PPP4R4: variants seen among roughly 807,000 people sequenced by gnomAD.
PPP4R4 encodes serine/threonine-protein phosphatase 4 regulatory subunit 4.
A neutral mutation model predicts 121.8 loss-of-function variants in PPP4R4; 70 were observed. The observed-to-expected ratio is 0.57, with a 90% CI of 0.47 to 0.70. The LOEUF is 0.70. PPP4R4 is among the 30% of genes least tolerant of loss of function. PPP4R4 has a pLI of 0.00. For synonymous variants in PPP4R4, 348 were observed against 355.7 expected (o/e 0.98, Z 0.24); for missense variants, 875 against 1,033.6 (o/e 0.85, Z 2.10).
chr14:94,224,212 G>GA (rs1891570773), intron 3 of PPP4R4, among the ~76,000 whole-genome samples: 1 of 152,156 alleles, frequency 6.6e-6, no homozygotes, highest in Non-Finnish European at 1.5e-5. Context: ...AGGAGTTGCC[G>GA]AGACAGTGAA....
chr14:94,193,983 A>G (rs1236225480), intron 2 of PPP4R4, among the ~76,000 whole-genome samples: 1 of 152,206 alleles, frequency 6.6e-6, no homozygotes, highest in Non-Finnish European at 1.5e-5. Context: ...CCTGAATGAA[A>G]AAGTTTACCA....
At chr14:94,210,165 G>A (rs1413576241) in intron 3 of PPP4R4, among the ~76,000 whole-genome samples, 2 of 150,396 alleles carry the variant, frequency 1.3e-5, no homozygotes, top group African/African-American at 4.9e-5. Context: ...ATACCTTACA[G>A]TTTCAAAAGA....
In PPP4R4 at chr14:94,266,977, A is replaced by T; in HGVS notation, c.2397A>T (p.Gly799=). The T allele has an allele frequency of 6.3e-7, 1 of 1,590,478 alleles. No individual in the cohort carries two copies. Among genetic ancestry groups the T allele is most frequent in the Non-Finnish European group, 8.6e-7 (1 of 1,160,344 alleles). Reference sequence around the variant, plus strand: ...TTTCTAGTAAAAGTTCTACAACAGGATATACAACTTCTGTCTCAGGGTTAG... The same window carrying T: ...TTTCTAGTAAAAGTTCTACAACAGGTTATACAACTTCTGTCTCAGGGTTAG... ...EKCASKSSTT[G]YTTSVSGLGK... is the part of the protein sequence containing the mutation. The change falls in exon 23 of 25, where the codon GGA becomes GGT. Residue 799 remains glycine, a synonymous_variant. Transcript: ENST00000304338.
intron 2 of PPP4R4, among the ~76,000 whole-genome samples, chr14:94,204,962 C>T (rs1170727921): frequency 1.3e-5 from 2 of 152,060 alleles, no homozygotes; most frequent in Non-Finnish European, 2.9e-5. Flanking sequence ...GCGTTGCATC[C>T]CTGCAATAAA....
chr14:94,213,677 T>C (rs929178397), intron 3 of PPP4R4, among the ~76,000 whole-genome samples: 6 of 151,984 alleles, frequency 3.9e-5, no homozygotes, highest in Non-Finnish European at 8.8e-5. Context: ...AGGTAGAGAT[T>C]GGAGTGATGT....
Position 94,256,609 on chromosome 14 carries a change from G to A in PPP4R4, c.2010+5G>A. 1.9e-6 allele frequency: 3 copies of A among 1,592,650 alleles called. No homozygotes were observed. Among genetic ancestry groups the A allele is most frequent in the Non-Finnish European group, 2.6e-6 (3 of 1,167,828 alleles). On this transcript the variant is annotated splice_donor_5th_base_variant and intron_variant, in intron 17 of 24. Coordinates refer to ENST00000304338, the MANE Select transcript of PPP4R4 (RefSeq NM_058237.2). ...GTTCTGGCTATTGTAAAAAGAGTAA[G>A]TATCACTCTTGCCACAATGTTGCAT...
chr14:94,205,441 T>A (rs571932672), intron 2 of PPP4R4, among the ~76,000 whole-genome samples: 3 of 152,082 alleles, frequency 2.0e-5, no homozygotes, highest in Non-Finnish European at 2.9e-5. Context: ...TCTTTTGTCA[T>A]TCTTGCTGAG....
chr14:94,250,909 C>G (rs1194144459), intron 15 of PPP4R4, among the ~76,000 whole-genome samples: 1 of 151,888 alleles, frequency 6.6e-6, no homozygotes, highest in Non-Finnish European at 1.5e-5. Context: ...ACTATATTAT[C>G]CAGCATAGGC....
intron 3 of PPP4R4, among the ~76,000 whole-genome samples, chr14:94,216,392 A>C (rs1054697839): frequency 6.6e-6 from 1 of 152,246 alleles, no homozygotes; most frequent in African/African-American, 2.4e-5. Context: ...TGCCCACCAC[A>C]TAAAGTAGTT....
Position 94,187,315 on chromosome 14 carries a change from A to AG in PPP4R4, c.191+11189dup, listed in dbSNP as rs1889342812. 3.3e-5 allele frequency among the ~76,000 whole-genome samples: 5 copies of AG among 152,194 alleles called. No homozygotes were observed. In the South Asian group the frequency reaches 1.0e-3, roughly 32 times the overall value. On this transcript the variant is annotated intron_variant, in intron 2 of 24. Coordinates refer to ENST00000304338, the MANE Select transcript of PPP4R4 (RefSeq NM_058237.2). ...AGCAAGACTCTGTCTCGGAAAAAAA[A>AG]GAAAAAAAATATGTTGTTCTGAAAT...
rs377358318 is a variant in PPP4R4, at chr14:94,174,519, C to T, written c.54C>T (p.Phe18=). Reference sequence around the variant, plus strand: ...TGGATTTCAGTCAGAACAGCCTGTTCGGTTACATGGAGGACCTGCAGGAGC... The same window carrying T: ...TGGATTTCAGTCAGAACAGCCTGTTTGGTTACATGGAGGACCTGCAGGAGC... ...AAMDFSQNSL[F]GYMEDLQELT... The change falls in exon 1 of 25, where the codon TTC becomes TTT. Residue 18 remains phenylalanine (F), a synonymous_variant. Transcript: ENST00000304338. 11 of 1,612,432 alleles carry T rather than the reference C, an allele frequency of 6.8e-6. No individual in the cohort carries two copies. The highest frequency in any genetic ancestry group is 1.1e-5 in the South Asian group (1 of 91,076).
At chr14:94,212,687 A>G (rs773832868) in intron 3 of PPP4R4, among the ~76,000 whole-genome samples, 2 of 152,104 alleles carry the variant, frequency 1.3e-5, no homozygotes, top group African/African-American at 4.8e-5. Flanking sequence ...CTTTTTCCAC[A>G]GTATATTAAA....
intron 11 of PPP4R4, among the ~76,000 whole-genome samples, chr14:94,244,009 A>C (rs1892762130): frequency 6.6e-6 from 1 of 151,884 alleles, no homozygotes; most frequent in African/African-American, 2.4e-5. Flanking sequence ...ATTCAAGCCC[A>C]GTGTGTTTTA....
Position 94,265,837 on chromosome 14 carries a change from T to C in PPP4R4, c.2328T>C (p.Phe776=). 1 of 1,610,222 alleles carries C rather than the reference T, an allele frequency of 6.2e-7. No individual in the cohort carries two copies. The highest frequency in any genetic ancestry group is 8.5e-7 in the Non-Finnish European group (1 of 1,177,372). ...KKSKLIRSQS[F]NNQAFHAKYG... ...CCAAACTGATTCGAAGCCAGTCTTTTAATAATCAAGCTTTTCATGCAAAAT... is the reference window on the plus strand; with the variant it reads ...CCAAACTGATTCGAAGCCAGTCTTTCAATAATCAAGCTTTTCATGCAAAAT... Residue 776 remains phenylalanine (F), a synonymous_variant, in exon 22 of 25, where the codon TTT becomes TTC. Coordinates refer to ENST00000304338, the MANE Select transcript of PPP4R4 (RefSeq NM_058237.2).
chr14:94,200,158 A>C (rs976112997), intron 2 of PPP4R4, among the ~76,000 whole-genome samples: 12 of 152,132 alleles, frequency 7.9e-5, no homozygotes, highest in Non-Finnish European at 5.9e-5. Flanking sequence ...TATTATATGG[A>C]GAATATAATA....
Position 94,265,780 on chromosome 14 carries a change from G to T in PPP4R4, c.2285-14G>T. 4 of 1,568,236 alleles carry T rather than the reference G, an allele frequency of 2.6e-6. No individual in the cohort carries two copies. Among genetic ancestry groups the T allele is most frequent in the Admixed American group, 1.8e-5 (1 of 56,114 alleles). On this transcript the variant is annotated splice_polypyrimidine_tract_variant and intron_variant, in intron 21 of 24. Coordinates refer to ENST00000304338, the MANE Select transcript of PPP4R4 (RefSeq NM_058237.2). ...AACTGAATACATTTTTCTTTTTTCT[G>T]CTTATTGCTCTAGGTAAAGAAATCA...
chr14:94,181,422 A>T (rs888425281), intron 2 of PPP4R4, among the ~76,000 whole-genome samples: 3 of 152,240 alleles, frequency 2.0e-5, no homozygotes, highest in Non-Finnish European at 4.4e-5. Flanking sequence ...TAGTTAATAC[A>T]AACAATTGGC....
intron 9 of PPP4R4, among the ~76,000 whole-genome samples, chr14:94,241,438 G>A (rs372781116): frequency 6.6e-6 from 1 of 151,914 alleles, no homozygotes; most frequent in South Asian, 2.1e-4. Context: ...AGCAATTTTA[G>A]AACATTTACT....
intron 8 of PPP4R4, among the ~76,000 whole-genome samples, chr14:94,240,444 G>A (rs938649613): frequency 6.6e-6 from 1 of 152,108 alleles, no homozygotes. Flanking sequence ...ATGGCCTGCA[G>A]TATGAAGTCC....
Sources: gnomAD v4.1 joint callset for allele counts (sites outside exome capture counted in the v4.1 genomes callset) on GRCh38, gnomAD v4.1.1 for gene constraint, MANE v1.5 for transcripts, NCBI Gene and HGNC (gene_info 2026-07-23, HGNC 2026-07-21) for gene names.